RBFOX1: variants seen among roughly 807,000 people sequenced by gnomAD.
RBFOX1 encodes RNA binding fox-1 homolog 1.
Under a neutral mutation model 57.7 loss-of-function variants are expected in RBFOX1, and 8 were observed. The observed-to-expected ratio is 0.14, with a 90% CI of 0.08 to 0.25. The LOEUF (loss-of-function observed/expected upper bound fraction) is 0.25. RBFOX1 is among the 10% of genes least tolerant of loss of function. The probability of loss-of-function intolerance (pLI) is 1.00; values close to 1 mark genes in which losing one functional copy is unlikely to be tolerated. For synonymous variants in RBFOX1, 326 were observed against 222.4 expected, an observed-to-expected ratio of 1.47 and a Z score of -4.15; for missense variants, 611 against 548.5, an observed-to-expected ratio of 1.11 and a Z score of -1.14.
chr16:6,064,936 T>TCC (rs2095740197), intron 1 of RBFOX1, among the ~76,000 whole-genome samples: 2 of 152,110 alleles, frequency 1.3e-5, no homozygotes, highest in South Asian at 4.1e-4. Context: ...TCAACAGGTC[T>TCC]TGAGTAAGAC....
chr16:6,627,588 C>T (rs576780359), intron 2 of RBFOX1, among the ~76,000 whole-genome samples: 4 of 152,212 alleles, frequency 2.6e-5, no homozygotes, highest in Admixed American at 6.5e-5. Flanking sequence ...GAACTATGAA[C>T]GCTAGACTGA....
intron 1 of RBFOX1, among the ~76,000 whole-genome samples, chr16:6,165,712 A>G (rs565992749): frequency 6.6e-6 from 1 of 152,362 alleles, no homozygotes; most frequent in East Asian, 1.9e-4. Context: ...GGCAAATGAA[A>G]TGTTTTATGG....
intron 3 of RBFOX1, among the ~76,000 whole-genome samples, chr16:6,904,601 A>G (rs1269988480): frequency 0.025 from 1,156 of 45,610 alleles, 29 homozygotes; most frequent in East Asian, 0.19. Flanking sequence ...ACTCTCTCTA[A>G]AAAAAAAAAA....
chr16:7,666,683 T>C (rs1190854730), intron 13 of RBFOX1, among the ~76,000 whole-genome samples: 1 of 152,166 alleles, frequency 6.6e-6, no homozygotes, highest in African/African-American at 2.4e-5. Flanking sequence ...GGCATATCGC[T>C]GCATCAGAGA....
chr16:7,705,771 T>C (rs2082237972), intron 14 of RBFOX1, among the ~76,000 whole-genome samples: 1 of 152,138 alleles, frequency 6.6e-6, no homozygotes, highest in South Asian at 2.1e-4. Flanking sequence ...AGACAAGATT[T>C]ATGGCTGTTG....
chr16:6,702,319 C>A (rs887809872), intron 3 of RBFOX1, among the ~76,000 whole-genome samples: 1 of 152,020 alleles, frequency 6.6e-6, no homozygotes, highest in South Asian at 2.1e-4. Flanking sequence ...TTTGGAAGGC[C>A]GAGGCAGGCA....
chr16:6,527,334 G>A (rs940310459), intron 2 of RBFOX1, among the ~76,000 whole-genome samples: 13 of 152,144 alleles, frequency 8.5e-5, no homozygotes, highest in African/African-American at 1.4e-4. Flanking sequence ...GTGTATGTGT[G>A]TGTATGTGTG....
chr16:7,291,524 A>T (rs182427348), intron 4 of RBFOX1, among the ~76,000 whole-genome samples: 1 of 152,200 alleles, frequency 6.6e-6, no homozygotes, highest in African/African-American at 2.4e-5. Flanking sequence ...TCAGAGCAGC[A>T]AAGGAAGATG....
At chr16:5,835,957 G>A (rs2056444091) in intron 3 of RBFOX1, among the ~76,000 whole-genome samples, 1 of 152,210 alleles carries the variant, frequency 6.6e-6, no homozygotes, top group African/African-American at 2.4e-5. Flanking sequence ...GGAAGTTGGG[G>A]AAGAGGAAGA....
At chr16:5,949,696 A>G (rs1019014063) in intron 4 of RBFOX1, among the ~76,000 whole-genome samples, 5 of 152,138 alleles carry the variant, frequency 3.3e-5, no homozygotes. Context: ...TTTGTTTTGT[A>G]GAACAGCAGT....
chr16:6,922,707 C>G (rs1225063499), intron 3 of RBFOX1, among the ~76,000 whole-genome samples: 1 of 152,112 alleles, frequency 6.6e-6, no homozygotes, highest in African/African-American at 2.4e-5. Flanking sequence ...GCATCCACCA[C>G]TCCAAAAACT....
intron 1 of RBFOX1, among the ~76,000 whole-genome samples, chr16:5,301,435 C>A (rs867817597): frequency 4.6e-4 from 70 of 151,962 alleles, no homozygotes; most frequent in African/African-American, 1.5e-3. Flanking sequence ...CTGGCTAACA[C>A]GGTGAAACCC....
At chr16:6,306,818 C>G (rs1321520290) in intron 1 of RBFOX1, among the ~76,000 whole-genome samples, 3 of 152,130 alleles carry the variant, frequency 2.0e-5, no homozygotes, top group Non-Finnish European at 2.9e-5. Flanking sequence ...ATGCCTTGCA[C>G]TCAGTACCTC....
chr16:6,075,718 C>G (rs369900149), intron 1 of RBFOX1, among the ~76,000 whole-genome samples: 1 of 152,204 alleles, frequency 6.6e-6, no homozygotes, highest in East Asian at 1.9e-4. Context: ...GTTCCTCCCT[C>G]CTTAAAATGA....
At chr16:5,999,903 AAAAAG>A (rs1567239231) in intron 4 of RBFOX1, among the ~76,000 whole-genome samples, 8 of 36,592 alleles carry the variant, frequency 2.2e-4, no homozygotes, top group African/African-American at 8.7e-4. Context: ...AAAAAAAAAA[AAAAAG>A]AGTGAAGAAG....
At chr16:6,836,408 T>C (rs545268032) in intron 3 of RBFOX1, among the ~76,000 whole-genome samples, 1 of 152,328 alleles carries the variant, frequency 6.6e-6, no homozygotes, top group African/African-American at 2.4e-5. Flanking sequence ...TTTAACCTTG[T>C]TTTGTCATAT....
intron 2 of RBFOX1, among the ~76,000 whole-genome samples, chr16:5,516,650 A>C (rs1392565094): frequency 1.3e-5 from 2 of 152,092 alleles, no homozygotes; most frequent in Non-Finnish European, 2.9e-5. Flanking sequence ...TCTCATCTTG[A>C]GTTATAGTTT....
chr16:6,624,015 C>T (rs2098270954), intron 2 of RBFOX1, among the ~76,000 whole-genome samples: 1 of 152,240 alleles, frequency 6.6e-6, no homozygotes, highest in South Asian at 2.1e-4. Context: ...GAGGAGTCGC[C>T]ACACTGACTT....
At chr16:5,296,043 G>C (rs896853601) in intron 1 of RBFOX1, among the ~76,000 whole-genome samples, 2 of 149,546 alleles carry the variant, frequency 1.3e-5, no homozygotes, top group African/African-American at 4.9e-5. Context: ...TCGGTCTCCT[G>C]CCTGTGAAAG....
Sources: gnomAD v4.1 joint callset for allele counts (sites outside exome capture counted in the v4.1 genomes callset) on GRCh38, gnomAD v4.1.1 for gene constraint, MANE v1.5 for transcripts, NCBI Gene and HGNC (gene_info 2026-07-23, HGNC 2026-07-21) for gene names.